The following ARFRP1 variants were observed in gnomAD, a reference collection of about 807,000 sequenced individuals.
ARFRP1 encodes ADP-ribosylation factor-related protein 1.
ARFRP1 carries 19 observed loss-of-function variants against 30.3 expected under a neutral mutation model. The ratio of observed to expected loss-of-function variants is 0.63; its 90% CI spans 0.44 to 0.92. The LOEUF (loss-of-function observed/expected upper bound fraction) is 0.92. ARFRP1 is among the 40% of genes least tolerant of loss of function. ARFRP1 has a pLI of 0.00. For synonymous variants in ARFRP1, 133 were observed against 114.2 expected (o/e 1.16, Z -1.05); for missense variants, 245 against 267.5 (o/e 0.92, Z 0.59).
intron 4 of ARFRP1, chr20:63,702,550 G>A (rs376423255): frequency 7.8e-5 from 27 of 346,336 alleles, no homozygotes; most frequent in East Asian, 6.1e-4. Flanking sequence ...CCCACTTCAC[G>A]GCCAACCTGG....
chr20:63,699,345 GACCC>G lies in ARFRP1; in HGVS notation c.*1094_*1097del, dbSNP rs2091078000. 6.6e-6 allele frequency: 1 copy of G among 152,154 alleles called. No homozygotes were observed. Among genetic ancestry groups the G allele is most frequent in the Non-Finnish European group, 1.5e-5 (1 of 68,078 alleles). The allele number at this position is 152,154 out of a possible 1,614,324, so 9.4% of individuals were successfully genotyped here. A position where few individuals can be genotyped will look rare whatever the true frequency, so the allele number is the denominator to read the frequency against. On this transcript the variant is annotated 3_prime_UTR_variant, in exon 8 of 8. Coordinates refer to ENST00000622789, the MANE Select transcript of ARFRP1 (RefSeq NM_001267547.3). ...GCCCCTTCCCAGCAGCTCCTCCCAG[GACCC>G]CATGTCCTTCCCACATCCGCAGGAA...
chr20:63,700,259 C>G lies in ARFRP1; in HGVS notation c.*184G>C, dbSNP rs114670354. ...CCAGCCGGGCTGCCAGACTCCCCTC[C>G]AAAGCCTCCGGATGCCTACGCTTTT... On this transcript the variant is annotated 3_prime_UTR_variant, in exon 8 of 8. Transcript: ENST00000622789. 2,093 of 922,158 alleles carry G rather than the reference C, an allele frequency of 2.3e-3. 26 individuals are homozygous for G. In the African/African-American group the frequency reaches 0.032, roughly 14 times the overall value. The allele number at this position is 922,158 out of a possible 1,614,324, so 57.1% of individuals were successfully genotyped here.
In ARFRP1 at chr20:63,706,952, C is replaced by A. The variant is rs1471159468; in HGVS notation, c.93+47G>T. The A allele has an allele frequency of 2.5e-6, 4 of 1,602,736 alleles. No homozygotes were observed. The African/African-American group carries it at 4.0e-5, about 16-fold the overall frequency. On this transcript the variant is annotated intron_variant, in intron 2 of 7. Coordinates refer to ENST00000622789, the MANE Select transcript of ARFRP1 (RefSeq NM_001267547.3). Reference sequence around the variant, plus strand: ...GCTGACAGCACAAAACCGAAGGGGGCGCCGCCAGGCCGTGGGAAAGGTGCG... The same window carrying A: ...GCTGACAGCACAAAACCGAAGGGGGAGCCGCCAGGCCGTGGGAAAGGTGCG...
intron 4 of ARFRP1, chr20:63,703,335 C>A (rs138759525): frequency 6.6e-6 from 1 of 152,450 alleles, no homozygotes; most frequent in Non-Finnish European, 1.5e-5. Context: ...AGCTTGTGCA[C>A]CTGCACTTCC....
chr20:63,704,398 AT>A (rs2091357825), intron 4 of ARFRP1: 1 of 152,202 alleles, frequency 6.6e-6, no homozygotes, highest in Non-Finnish European at 1.5e-5. Flanking sequence ...CTTGCACCTC[AT>A]GTCTAGGAGA....
At chr20:63,701,459 A>T in intron 6 of ARFRP1, 1 of 487,010 alleles carries the variant, frequency 2.1e-6, no homozygotes. Context: ...GGAACAGGTA[A>T]GGGTCAGAGC....
At position 63,706,309 on chromosome 20, in the gene ARFRP1, T is replaced by C. The variant is rs1316072476; in HGVS notation, c.264+48A>G. ...GCCCAAAGGGCACTCTGGAAAGAAGTGGCACTGGAGGGCTGGGGTGGGGGT... is the reference window on the plus strand; with the variant it reads ...GCCCAAAGGGCACTCTGGAAAGAAGCGGCACTGGAGGGCTGGGGTGGGGGT... On this transcript the variant is annotated intron_variant, in intron 4 of 7. Coordinates refer to ENST00000622789, the MANE Select transcript of ARFRP1 (RefSeq NM_001267547.3). 3 of 1,544,996 alleles carry C rather than the reference T, an allele frequency of 1.9e-6. No individual in the cohort carries two copies. In the African/African-American group the frequency reaches 4.1e-5, roughly 21 times the overall value.
Position 63,700,426 on chromosome 20 carries a change from C to G in ARFRP1, c.*17G>C. 6.2e-7 allele frequency: 1 copy of G among 1,606,046 alleles called. No individual in the cohort carries two copies. Among genetic ancestry groups the G allele is most frequent in the Non-Finnish European group, 8.5e-7 (1 of 1,179,626 alleles). On this transcript the variant is annotated 3_prime_UTR_variant, in exon 8 of 8. Transcript: ENST00000622789. The stretch of plus-strand genomic sequence containing the variant: ...AGCACCAGGGGACCAGCCGTCCCGA[C>G]GGCAGCGCGGCTGCGCCTACGTGAT...
chr20:63,700,701 G>A lies in ARFRP1; in HGVS notation c.419C>T (p.Thr140Met), dbSNP rs781780125. Residue 140 changes from threonine (T) to methionine (M), a missense_variant and splice_region_variant, in exon 7 of 8, where the codon ACG (threonine) becomes ATG (methionine). Thr to Met is a moderately conservative substitution (Grantham distance 81). Transcript: ENST00000622789. ...LVLANKQDVE[T>M]CLSIPDIKTA... Reference sequence around the variant, plus strand: ...CTTGATGTCAGGGATTGAGAGGCACGTCTGGGGGAGGTAAGGCCGTGAGGA... The same window carrying A: ...CTTGATGTCAGGGATTGAGAGGCACATCTGGGGGAGGTAAGGCCGTGAGGA... The A allele has an allele frequency of 3.3e-5, 53 of 1,610,422 alleles. No homozygotes were observed. Among genetic ancestry groups the A allele is most frequent in the Non-Finnish European group, 3.9e-5 (46 of 1,179,830 alleles).
At chr20:63,701,997 T>TGGGGGGGGGGGGGGG in intron 5 of ARFRP1, 97 bp from the exon 6 acceptor site, 1 of 684,616 alleles carries the variant, frequency 1.5e-6, no homozygotes, top group Non-Finnish European at 2.2e-6. Context: ...CCACTCCCTC[T>TGGGGGGGGGGGGGGG]GCCCCCCCCC....
At chr20:63,706,968 G>T in intron 2 of ARFRP1, 31 bp downstream of exon 2, 1 of 1,611,636 alleles carries the variant, frequency 6.2e-7, no homozygotes, top group Admixed American at 1.7e-5. Context: ...CAGGCCGTGG[G>T]AAAGGTGCGC....
rs758978552 is a variant in ARFRP1 at position 63,700,725 on chromosome 20, G to A, written c.418-23C>T. On this transcript the variant is annotated intron_variant, in intron 6 of 7. Coordinates refer to ENST00000622789, the MANE Select transcript of ARFRP1 (RefSeq NM_001267547.3). ...CGTCTGGGGGAGGTAAGGCCGTGAG[G>A]AGCAGCCCCCACGTCTGGCCCTGTC... 6.8e-6 allele frequency: 11 copies of A among 1,607,534 alleles called. No individual in the cohort carries two copies. In the African/African-American group the frequency reaches 8.0e-5, roughly 12 times the overall value.
chr20:63,706,573 G>A (rs1453973378), intron 3 of ARFRP1, 78 bp downstream of exon 3: 8 of 1,516,226 alleles, frequency 5.3e-6, no homozygotes, highest in Non-Finnish European at 3.7e-6. Context: ...ACAGGGCTGT[G>A]GCCACGGGCC....
rs1355740667 is a variant in ARFRP1, at chr20:63,700,400, C to T, written c.*43G>A. The T allele has an allele frequency of 2.5e-6, 4 of 1,601,498 alleles. No homozygotes were observed. The highest frequency in any genetic ancestry group is 2.3e-4 in the Middle Eastern group (1 of 4,436). ...GGGAGCCAACAGGAGGCCACTCCTC[C>T]AGCACCAGGGGACCAGCCGTCCCGA... is the stretch of plus-strand genomic sequence containing the variant. On this transcript the variant is annotated 3_prime_UTR_variant, in exon 8 of 8. Transcript: ENST00000622789.
chr20:63,706,976 C>A (rs756061238), intron 2 of ARFRP1, 23 bp downstream of exon 2: 2 of 1,611,640 alleles, frequency 1.2e-6, no homozygotes, highest in Admixed American at 1.7e-5. Context: ...GGGAAAGGTG[C>A]GCGCAAGGGC....
chr20:63,699,961 C>T lies in ARFRP1; in HGVS notation c.*482G>A. On this transcript the variant is annotated 3_prime_UTR_variant, in exon 8 of 8. Transcript: ENST00000622789. ...AACATGGCCTGGGTCTTCCTCAAGG[C>T]AAGATCAGCCCCAGACCACTTCCGG... 5.2e-6 allele frequency: 1 copy of T among 193,628 alleles called. No homozygotes were observed. The highest frequency in any genetic ancestry group is 1.1e-5 in the Non-Finnish European group (1 of 92,332). 12.0% of individuals were successfully genotyped at this position (193,628 alleles called of 1,614,324 possible).
chr20:63,701,998 G>GGGGGCCCC, intron 5 of ARFRP1, 98 bp from the exon 6 acceptor site: 3 of 583,912 alleles, frequency 5.1e-6, no homozygotes, highest in Non-Finnish European at 5.1e-6. Flanking sequence ...CACTCCCTCT[G>GGGGGCCCC]CCCCCCCCCC....
intron 1 of ARFRP1, 25 bp from the exon 2 acceptor site, chr20:63,707,122 G>A (rs755212995): frequency 3.2e-6 from 5 of 1,573,150 alleles, no homozygotes; most frequent in Non-Finnish European, 4.3e-6. Flanking sequence ...ATAGGTCAGT[G>A]TGCAGCCAGA....
intron 4 of ARFRP1, chr20:63,706,146 A>G (rs976423697): frequency 1.9e-6 from 1 of 531,004 alleles, no homozygotes; most frequent in East Asian, 3.5e-5. Flanking sequence ...CAAGTGGGAA[A>G]CTCCCCTACC....
Sources: allele counts gnomAD v4.1 joint callset, GRCh38; gene constraint gnomAD v4.1.1; transcripts MANE v1.5; gene names NCBI Gene and HGNC (gene_info 2026-07-23, HGNC 2026-07-21).